IFT88: variants seen among roughly 807,000 people sequenced by gnomAD.
The protein encoded by IFT88 is intraflagellar transport protein 88 homolog.
Under a neutral mutation model 119.5 loss-of-function variants are expected in IFT88, and 74 were observed. The observed-to-expected ratio is 0.62, with a 90% CI of 0.51 to 0.75. The LOEUF is 0.75. IFT88 is among the 30% of genes least tolerant of loss of function. IFT88 has a pLI of 0.00. For synonymous variants in IFT88, 279 were observed against 316.7 expected, an observed-to-expected ratio of 0.88 and a Z score of 1.26; for missense variants, 961 against 977.7, an observed-to-expected ratio of 0.98 and a Z score of 0.23.
Position 20,621,526 on chromosome 13 carries a change from TA to T in IFT88, c.1200-4193del, listed in dbSNP as rs200491393. On this transcript the variant is annotated intron_variant, in intron 14 of 25. Transcript: ENST00000351808. ...TCAATTTTCCCAAAACCTGCTGAGA[TA>T]AAAAAAAAAAAAAAAAAAAAAAAAA... 2.8e-3 allele frequency among the ~76,000 whole-genome samples: 369 copies of T among 130,608 alleles called. 2 individuals are homozygous for T. The highest frequency in any genetic ancestry group is 3.9e-3 in the Non-Finnish European group (240 of 62,224). 85.7% of individuals were successfully genotyped at this position (130,608 alleles called of 152,430 possible).
At chr13:20,672,321 C>T (rs1157878691) in intron 24 of IFT88, among the ~76,000 whole-genome samples, 1 of 152,118 alleles carries the variant, frequency 6.6e-6, no homozygotes, top group Non-Finnish European at 1.5e-5. Flanking sequence ...ATGGTGCTGG[C>T]CTGTTTATCT....
chr13:20,670,849 T>A, intron 23 of IFT88, 124 bp from the exon 24 acceptor site: 1 of 557,796 alleles, frequency 1.8e-6, no homozygotes, highest in Non-Finnish European at 2.9e-6. Flanking sequence ...GAATCAACTC[T>A]CAGGTATGAT....
chr13:20,678,688 T>C (rs1339649783), intron 24 of IFT88, among the ~76,000 whole-genome samples: 2 of 152,208 alleles, frequency 1.3e-5, no homozygotes, highest in Non-Finnish European at 2.9e-5. Context: ...CACGAGCATG[T>C]CACATTGCTG....
At chr13:20,581,572 G>A (rs889042921) in intron 2 of IFT88, among the ~76,000 whole-genome samples, 1 of 152,136 alleles carries the variant, frequency 6.6e-6, no homozygotes, top group South Asian at 2.1e-4. Context: ...AAGGTTACAA[G>A]GATAATTTAG....
At chr13:20,632,827 A>G (rs2048402997) in intron 16 of IFT88, among the ~76,000 whole-genome samples, 1 of 152,248 alleles carries the variant, frequency 6.6e-6, no homozygotes, top group Admixed American at 6.5e-5. Flanking sequence ...CTTTACTAAC[A>G]AATGAGAAAA....
chr13:20,580,897 T>C (rs527868095), intron 2 of IFT88, among the ~76,000 whole-genome samples: 85 of 152,088 alleles, frequency 5.6e-4, no homozygotes, highest in Non-Finnish European at 1.0e-3. Flanking sequence ...GGCTAATTTT[T>C]TGTATTTTTA....
At chr13:20,605,892 T>C (rs534932063) in intron 13 of IFT88, among the ~76,000 whole-genome samples, 5 of 152,286 alleles carry the variant, frequency 3.3e-5, no homozygotes, top group Middle Eastern at 3.4e-3. Context: ...GGGCAGAATA[T>C]GGGGGAAGTA....
intron 20 of IFT88, among the ~76,000 whole-genome samples, chr13:20,650,270 C>T (rs2051404220): frequency 6.6e-6 from 1 of 152,100 alleles, no homozygotes; most frequent in Non-Finnish European, 1.5e-5. Context: ...AAAAGAAGTA[C>T]ATCATTCGCA....
intron 24 of IFT88, among the ~76,000 whole-genome samples, chr13:20,686,109 G>A (rs1196560079): frequency 1.3e-5 from 2 of 152,114 alleles, no homozygotes; most frequent in African/African-American, 2.4e-5. Context: ...ATCCCACATC[G>A]AGCTTCCTTG....
chr13:20,609,983 C>G (rs1235330360), intron 13 of IFT88, among the ~76,000 whole-genome samples: 2 of 152,096 alleles, frequency 1.3e-5, no homozygotes, highest in Non-Finnish European at 2.9e-5. Flanking sequence ...ATCACCACAC[C>G]CAGCTTCTTG....
At chr13:20,624,173 A>C (rs1008059515) in intron 14 of IFT88, among the ~76,000 whole-genome samples, 1 of 152,164 alleles carries the variant, frequency 6.6e-6, no homozygotes, top group Non-Finnish European at 1.5e-5. Context: ...TGTTGGGGAT[A>C]ACATCCTGTG....
In IFT88 at chr13:20,567,249, A is replaced by T. The variant is rs980999482; in HGVS notation, c.-14A>T. On this transcript the variant is annotated 5_prime_UTR_variant, in exon 1 of 26. Coordinates refer to ENST00000351808, the MANE Select transcript of IFT88 (RefSeq NM_006531.5). ...CGAATAACTGTCGCCCGCTTCCCTC[A>T]GCGTGAGGTAGGAGAAGGGCGCTGG... 1 of 152,168 alleles carries T rather than the reference A, an allele frequency of 6.6e-6. No homozygotes were observed. Among genetic ancestry groups the T allele is most frequent in the Non-Finnish European group, 1.5e-5 (1 of 68,052 alleles). The allele number at this position is 152,168 out of a possible 1,614,324, so 9.4% of individuals were successfully genotyped here. A position where few individuals can be genotyped will look rare whatever the true frequency, so the allele number is the denominator to read the frequency against.
At chr13:20,615,132 T>A (rs1302365283) in intron 13 of IFT88, among the ~76,000 whole-genome samples, 1 of 152,210 alleles carries the variant, frequency 6.6e-6, no homozygotes, top group Admixed American at 6.5e-5. Context: ...ATTATTTCTA[T>A]ATTAATACAG....
intron 24 of IFT88, among the ~76,000 whole-genome samples, chr13:20,671,983 A>G: frequency 6.6e-6 from 1 of 152,132 alleles, no homozygotes; most frequent in Non-Finnish European, 1.5e-5. Flanking sequence ...CTAAGAGCCA[A>G]GGACATGGGA....
At chr13:20,574,710 G>C (rs1461733795) in intron 2 of IFT88, among the ~76,000 whole-genome samples, 1 of 152,208 alleles carries the variant, frequency 6.6e-6, no homozygotes, top group Non-Finnish European at 1.5e-5. Flanking sequence ...ATATATACTT[G>C]TATTCTTCAG....
Position 20,643,601 on chromosome 13 carries a change from A to G in IFT88, c.1829A>G (p.Tyr610Cys), listed in dbSNP as rs373094049. The G allele has an allele frequency of 2.8e-5, 45 of 1,594,756 alleles. No individual in the cohort carries two copies. Among genetic ancestry groups the G allele is most frequent in the South Asian group, 1.7e-4 (15 of 88,674 alleles). ...GDKSQAFQYY[Y>C]ESYRYFPCNI... The stretch of plus-strand genomic sequence containing the variant: ...AAATCTCAAGCATTTCAATATTACT[A>G]TGAGGTAGGTGTGTTATCTTAATTT... The change falls in exon 19 of 26, where the codon TAT becomes TGT. Residue 610 changes from tyrosine to cysteine, a missense_variant. Coordinates refer to ENST00000351808, the MANE Select transcript of IFT88 (RefSeq NM_006531.5).
chr13:20,685,609 G>A (rs765388782), intron 24 of IFT88, among the ~76,000 whole-genome samples: 172 of 152,186 alleles, frequency 1.1e-3, no homozygotes, highest in Non-Finnish European at 1.9e-3. Flanking sequence ...GGTGGCTCAC[G>A]CCTGTAATCC....
intron 21 of IFT88, 134 bp downstream of exon 21, chr13:20,654,062 G>T: frequency 2.3e-6 from 1 of 436,802 alleles, no homozygotes. Flanking sequence ...ATAATTCAAA[G>T]CATTGTATGA....
rs1288933323 is a variant in IFT88, at chr13:20,594,537, AT to A, written c.399-1605del. On this transcript the variant is annotated intron_variant, in intron 7 of 25. Transcript: ENST00000351808. ...CCAACAGTGCCTGAATATAGATTGC[AT>A]TTTTTTTGCATTTGATAGGGACAGG... Among the ~76,000 whole-genome samples the A allele has an allele frequency of 3.9e-5, 6 of 151,902 alleles. 1 individual carries two copies. Among genetic ancestry groups the A allele is most frequent in the Admixed American group, 2.0e-4 (3 of 15,244 alleles).
Sources: allele counts gnomAD v4.1 joint callset (sites outside exome capture counted in the v4.1 genomes callset), GRCh38; gene constraint gnomAD v4.1.1; transcripts MANE v1.5; gene names NCBI Gene and HGNC (gene_info 2026-07-23, HGNC 2026-07-21).